Variants in SLC60A2 observed in about 807,000 individuals in gnomAD.
SLC60A2 encodes the protein major facilitator superfamily domain containing 4B.
chr6:111,264,024 C>G, the SLC60A2 span: 2 of 707,680 alleles, frequency 2.8e-6, no homozygotes, highest in Non-Finnish European at 5.0e-6. Context: ...TAAACTGTCA[C>G]TTGCAATGCC....
At chr6:111,262,151 C>G in the SLC60A2 span, 7 of 850,576 alleles carry the variant, frequency 8.2e-6, no homozygotes, top group Non-Finnish European at 1.3e-5. Context: ...CATTGTAAAT[C>G]CCAGACCCTC....
chr6:111,259,628 G>A, the SLC60A2 span: 16 of 1,497,724 alleles, frequency 1.1e-5, no homozygotes, highest in Admixed American at 2.1e-5. Context: ...AGAATGAGCC[G>A]GAGCCGGAGG....
chr6:111,259,910 G>A, the SLC60A2 span, among the ~76,000 whole-genome samples: 3 of 109,736 alleles, frequency 2.7e-5, no homozygotes, highest in African/African-American at 1.0e-4. Context: ...GCTCCAGCAA[G>A]CTTTTTTTTT....
At chr6:111,279,114 T>C in the SLC60A2 span, among the ~76,000 whole-genome samples, 1 of 152,218 alleles carries the variant, frequency 6.6e-6, no homozygotes, top group African/African-American at 2.4e-5. Flanking sequence ...GTAATTGTAA[T>C]GTGCAGCCAA....
chr6:111,273,835 C>T, the SLC60A2 span, among the ~76,000 whole-genome samples: 3 of 152,144 alleles, frequency 2.0e-5, no homozygotes, highest in Admixed American at 2.0e-4. Flanking sequence ...AAGTGATTCT[C>T]TTGCTTCAGC....
chr6:111,277,410 G>C, the SLC60A2 span, among the ~76,000 whole-genome samples: 1 of 152,212 alleles, frequency 6.6e-6, no homozygotes, highest in African/African-American at 2.4e-5. Flanking sequence ...TCTAAGAGGA[G>C]TCCCAGTTTG....
the SLC60A2 span, among the ~76,000 whole-genome samples, chr6:111,263,205 G>A: frequency 6.6e-6 from 1 of 152,118 alleles, no homozygotes; most frequent in African/African-American, 2.4e-5. Context: ...TGGGATTACA[G>A]GTGTGAGCCA....
the SLC60A2 span, among the ~76,000 whole-genome samples, chr6:111,261,327 A>G: frequency 2.0e-5 from 3 of 152,332 alleles, no homozygotes; most frequent in South Asian, 6.2e-4. Context: ...GTTTTGATCA[A>G]GGTTTTGACG....
chr6:111,274,140 G>A, the SLC60A2 span, among the ~76,000 whole-genome samples: 11 of 152,194 alleles, frequency 7.2e-5, no homozygotes, highest in Non-Finnish European at 1.5e-4. Context: ...ACAGGTGTGA[G>A]AGCCCCTTGA....
chr6:111,267,340 C>T, the SLC60A2 span: 2 of 466,082 alleles, frequency 4.3e-6, no homozygotes. Context: ...TGTTATAACG[C>T]TATCATTTGA....
At chr6:111,267,203 C>T in the SLC60A2 span, 1 of 1,355,074 alleles carries the variant, frequency 7.4e-7, no homozygotes, top group Non-Finnish European at 1.0e-6. Context: ...CAGAATTTCA[C>T]CATGCTTTGG....
At chr6:111,274,312 C>G in the SLC60A2 span, among the ~76,000 whole-genome samples, 12 of 152,254 alleles carry the variant, frequency 7.9e-5, no homozygotes, top group Admixed American at 3.3e-4. Flanking sequence ...CTAAGCATAG[C>G]TATTCTTGCC....
the SLC60A2 span, among the ~76,000 whole-genome samples, chr6:111,279,783 T>C: frequency 6.6e-6 from 1 of 152,126 alleles, no homozygotes; most frequent in Non-Finnish European, 1.5e-5. Flanking sequence ...AATTTAAGAC[T>C]ACTCACCTAG....
chr6:111,266,202 G>C, the SLC60A2 span: 1 of 1,613,106 alleles, frequency 6.2e-7, no homozygotes, highest in Non-Finnish European at 8.5e-7. Flanking sequence ...GCAAGAAAAA[G>C]CAAGAGCATC....
chr6:111,268,748 G>A, the SLC60A2 span: 1 of 152,138 alleles, frequency 6.6e-6, no homozygotes, highest in African/African-American at 2.4e-5. Context: ...TTTACAGTGA[G>A]GCATAGTCTT....
chr6:111,269,623 G>A, the SLC60A2 span: 1 of 152,214 alleles, frequency 6.6e-6, no homozygotes, highest in African/African-American at 2.4e-5. Context: ...CAGCTAGGAG[G>A]CTTGCTAGAA....
chr6:111,278,775 A>G, the SLC60A2 span: 2 of 152,368 alleles, frequency 1.3e-5, no homozygotes, highest in East Asian at 3.9e-4. Flanking sequence ...TATCAACAGC[A>G]TGAAAACAGA....
At chr6:111,279,648 A>C in the SLC60A2 span, among the ~76,000 whole-genome samples, 1 of 152,162 alleles carries the variant, frequency 6.6e-6, no homozygotes, top group Admixed American at 6.5e-5. Context: ...CTGTTATTTG[A>C]AGTCCTTCCT....
At chr6:111,262,830 C>T in the SLC60A2 span, among the ~76,000 whole-genome samples, 95 of 152,226 alleles carry the variant, frequency 6.2e-4, 1 homozygote, top group South Asian at 8.3e-3. Context: ...AGAGGGGAAG[C>T]GAGGTTGGGT....
Sources: gnomAD v4.1 joint callset for allele counts (sites outside exome capture counted in the v4.1 genomes callset) on GRCh38, gnomAD v4.1.1 for gene constraint, MANE v1.5 for transcripts, NCBI Gene and HGNC (gene_info 2026-07-23, HGNC 2026-07-21) for gene names.